The following TNFAIP8 variants were observed in gnomAD, a reference collection of about 807,000 sequenced individuals.
TNFAIP8 encodes the protein TNF alpha induced protein 8, also known as tumor necrosis factor alpha-induced protein 8.
A neutral mutation model predicts 13.3 loss-of-function variants in TNFAIP8; 7 were observed. The observed-to-expected ratio is 0.52, with a 90% CI of 0.30 to 0.99. The LOEUF (loss-of-function observed/expected upper bound fraction) is 0.99, where lower values mean the gene tolerates loss of function less well. TNFAIP8 is among the 50% of genes least tolerant of loss of function. TNFAIP8 has a pLI of 0.07. For synonymous variants in TNFAIP8, 94 were observed against 87.6 expected (o/e 1.07, Z -0.41); for missense variants, 258 against 236.9 (o/e 1.09, Z -0.58).
chr5:119,359,588 G>T (rs1057420481), intron 1 of TNFAIP8, among the ~76,000 whole-genome samples: 1 of 152,114 alleles, frequency 6.6e-6, no homozygotes, highest in South Asian at 2.1e-4. Flanking sequence ...TTCCGTAGTG[G>T]TGATTAATAT....
At chr5:119,376,326 G>A (rs1406068631) in intron 1 of TNFAIP8, among the ~76,000 whole-genome samples, 1 of 151,572 alleles carries the variant, frequency 6.6e-6, no homozygotes, top group Admixed American at 6.6e-5. Context: ...TGCTGGCCAG[G>A]CTGGTCTCGA....
intron 1 of TNFAIP8, among the ~76,000 whole-genome samples, chr5:119,275,726 T>G (rs993873247): frequency 1.3e-5 from 2 of 152,226 alleles, no homozygotes; most frequent in African/African-American, 4.8e-5. Context: ...TTAGTCAGTT[T>G]TTAATTTATC....
chr5:119,391,478 G>A (rs1752887758), intron 1 of TNFAIP8: 1 of 699,516 alleles, frequency 1.4e-6, no homozygotes, highest in East Asian at 2.7e-5. Flanking sequence ...GAGAGAAATG[G>A]GCCAGGTGCG....
intron 1 of TNFAIP8, among the ~76,000 whole-genome samples, chr5:119,315,662 C>T (rs1054524430): frequency 1.3e-5 from 2 of 152,092 alleles, no homozygotes; most frequent in South Asian, 2.1e-4. Context: ...CAGAAGACCC[C>T]GAGGTGTAAT....
chr5:119,313,145 A>G (rs902729597), intron 1 of TNFAIP8, among the ~76,000 whole-genome samples: 14 of 152,224 alleles, frequency 9.2e-5, no homozygotes, highest in Non-Finnish European at 1.8e-4. Flanking sequence ...TTCCAGAACA[A>G]TTGGGTAAGA....
At chr5:119,295,385 G>C (rs1442707100) in intron 1 of TNFAIP8, among the ~76,000 whole-genome samples, 2 of 151,680 alleles carry the variant, frequency 1.3e-5, no homozygotes, top group Non-Finnish European at 2.9e-5. Context: ...ATTAAATAGG[G>C]AATCCTTTCC....
intron 1 of TNFAIP8, among the ~76,000 whole-genome samples, chr5:119,277,218 C>T (rs967406603): frequency 6.6e-6 from 1 of 152,010 alleles, no homozygotes; most frequent in Non-Finnish European, 1.5e-5. Context: ...CTGAGGAGAC[C>T]ACACCGTTTG....
Position 119,281,306 on chromosome 5 carries a change from A to ACACACACACACACACACACACACTCTCT in TNFAIP8, c.1+12400_1+12401insACACACACACACACACACACACTCTCTC. On this transcript the variant is annotated intron_variant, in intron 1 of 1. Coordinates refer to the TNFAIP8 transcript ENST00000274456. Reference sequence around the variant, plus strand: ...CACACATACACACACACACACACACACTCTCTCTCTCTCACACTTACATGC... The same window carrying ACACACACACACACACACACACACTCTCT: ...CACACATACACACACACACACACACACACACACACACACACACACACACTCTCTCTCTCTCTCTCTCACACTTACATGC... 3.7e-3 allele frequency among the ~76,000 whole-genome samples: 427 copies of ACACACACACACACACACACACACTCTCT among 114,202 alleles called. 4 individuals carry two copies. Among genetic ancestry groups the ACACACACACACACACACACACACTCTCT allele is most frequent in the African/African-American group, 6.7e-3 (220 of 32,854 alleles). 74.9% of individuals were successfully genotyped at this position (114,202 alleles called of 152,430 possible).
chr5:119,300,211 C>T (rs146444764), intron 1 of TNFAIP8, among the ~76,000 whole-genome samples: 2,808 of 152,304 alleles, frequency 0.018, 109 homozygotes, highest in African/African-American at 0.065. Flanking sequence ...TCGCTCACGC[C>T]GGGAGCTGTA....
intron 1 of TNFAIP8, among the ~76,000 whole-genome samples, chr5:119,317,084 G>A (rs187696741): frequency 3.1e-4 from 47 of 152,234 alleles, no homozygotes; most frequent in Admixed American, 1.2e-3. Context: ...TTAGCCACCC[G>A]GCAAGATAAT....
chr5:119,395,188 T>C lies in TNFAIP8; in HGVS notation c.*1807T>C, dbSNP rs1230045425. On this transcript the variant is annotated 3_prime_UTR_variant, in exon 2 of 2. Coordinates refer to ENST00000504771, the MANE Select transcript of TNFAIP8 (RefSeq NM_014350.4). ...CTTCCTAGAGCCAGTAGGTGATCAG[T>C]ATATGCTGTAACAATAACACAGTGA... The C allele has an allele frequency of 6.6e-6, 1 of 152,230 alleles. No individual in the cohort carries two copies. Among genetic ancestry groups the C allele is most frequent in the African/African-American group, 2.4e-5 (1 of 41,456 alleles). 9.4% of individuals were successfully genotyped at this position (152,230 alleles called of 1,614,324 possible).
chr5:119,383,193 G>GGTT (rs1752551744), intron 1 of TNFAIP8, among the ~76,000 whole-genome samples: 1 of 152,092 alleles, frequency 6.6e-6, no homozygotes, highest in South Asian at 2.1e-4. Flanking sequence ...GCCCTTGGGC[G>GGTT]GTTGCCAAGA....
chr5:119,277,068 A>G (rs1313535839), intron 1 of TNFAIP8, among the ~76,000 whole-genome samples: 2 of 152,264 alleles, frequency 1.3e-5, no homozygotes, highest in African/African-American at 2.4e-5. Flanking sequence ...ATATATTGTA[A>G]TAAGATTTAT....
chr5:119,295,238 GGTCTAACGTTTA>G, intron 1 of TNFAIP8, among the ~76,000 whole-genome samples: 1 of 52,148 alleles, frequency 1.9e-5, no homozygotes, highest in East Asian at 3.3e-4. Context: ...TAGACCTATA[GGTCTAACGTTTA>G]GTCTAACGTT....
chr5:119,373,960 T>G (rs1374943252), intron 1 of TNFAIP8, among the ~76,000 whole-genome samples: 2 of 152,168 alleles, frequency 1.3e-5, no homozygotes, highest in Non-Finnish European at 2.9e-5. Context: ...CTAATAGTAT[T>G]GGTGTTTTTT....
chr5:119,328,850 G>A (rs1275081215), intron 1 of TNFAIP8, among the ~76,000 whole-genome samples: 1 of 152,196 alleles, frequency 6.6e-6, no homozygotes, highest in Non-Finnish European at 1.5e-5. Context: ...TTTTACATGA[G>A]GTTTTGCAAT....
chr5:119,356,174 A>G (rs956588353), intron 1 of TNFAIP8, 53 bp downstream of exon 1: 21 of 1,497,462 alleles, frequency 1.4e-5, no homozygotes, highest in Non-Finnish European at 1.7e-5. Context: ...AGGAATTTGG[A>G]GGAAGGCAGT....
intron 1 of TNFAIP8, among the ~76,000 whole-genome samples, chr5:119,374,619 T>G (rs1752211142): frequency 6.6e-6 from 1 of 152,208 alleles, no homozygotes; most frequent in South Asian, 2.1e-4. Flanking sequence ...CTGTAGCTCT[T>G]TGCATCTTAT....
intron 1 of TNFAIP8, among the ~76,000 whole-genome samples, chr5:119,369,186 T>G (rs1242938356): frequency 6.6e-6 from 1 of 151,740 alleles, no homozygotes; most frequent in African/African-American, 2.4e-5. Context: ...CCCAAGTAGG[T>G]GGGATTATGG....
Sources: allele counts gnomAD v4.1 joint callset (sites outside exome capture counted in the v4.1 genomes callset), GRCh38; gene constraint gnomAD v4.1.1; transcripts MANE v1.5; gene names NCBI Gene and HGNC (gene_info 2026-07-23, HGNC 2026-07-21).